The following KIF4A variants were observed in gnomAD, a reference collection of about 807,000 sequenced individuals.
The protein encoded by KIF4A is chromosome-associated kinesin KIF4A.
A neutral mutation model predicts 105.9 loss-of-function variants in KIF4A; 7 were observed. That is an observed-to-expected ratio of 0.07 (90% confidence interval 0.04 to 0.12). The LOEUF (loss-of-function observed/expected upper bound fraction) is 0.12, where lower values mean the gene tolerates loss of function less well. KIF4A is among the 10% of genes least tolerant of loss of function. The pLI is 1.00. For missense variants in KIF4A, 558 were observed against 929.2 expected (o/e 0.60, Z 5.19); for synonymous variants, 281 against 331.3 (o/e 0.85, Z 1.65).
At chrX:70,360,734 A>G (rs982713123) in intron 15 of KIF4A, among the ~76,000 whole-genome samples, 15 of 112,502 alleles carry the variant, frequency 1.3e-4, no homozygotes, top group Non-Finnish European at 1.9e-5. Flanking sequence ...GGATCTGGAG[A>G]GCAGCAGCCA....
At position 70,386,175 on chromosome X, in the gene KIF4A, CTT is replaced by C. The variant is rs766142863; in HGVS notation, c.2035-441_2035-440del. On this transcript the variant is annotated intron_variant, in intron 18 of 30. Transcript: ENST00000374403. Reference sequence around the variant, plus strand: ...TATAGGTGGTTGGCTATGTGATAGACTTTCTCTTTTTTGCCAGCCACCTGGGT... The same window carrying C: ...TATAGGTGGTTGGCTATGTGATAGACTCTCTTTTTTGCCAGCCACCTGGGT... Among the ~76,000 whole-genome samples the C allele has an allele frequency of 2.0e-4, 22 of 110,607 alleles. 1 individual carries two copies. In the South Asian group the frequency reaches 8.6e-3, roughly 43 times the overall value.
chrX:70,419,084 CAAA>C (rs1157047497), intron 29 of KIF4A, among the ~76,000 whole-genome samples: 2 of 57,021 alleles, frequency 3.5e-5, no homozygotes, highest in Non-Finnish European at 3.4e-5. Flanking sequence ...GACTCCATCT[CAAA>C]AAAAAAAAAA....
At position 70,349,688 on chromosome X, in the gene KIF4A, T is replaced by A. The variant is rs764875587; in HGVS notation, c.1432-2912T>A. Among the ~76,000 whole-genome samples the A allele has an allele frequency of 8.4e-3, 287 of 34,095 alleles. 3 individuals are homozygous for A. The highest frequency in any genetic ancestry group is 0.033 in the African/African-American group (247 of 7,446). The allele number at this position is 34,095 out of a possible 115,157, so 29.6% of individuals were successfully genotyped here. A position where few individuals can be genotyped will look rare whatever the true frequency, so the allele number is the denominator to read the frequency against. ...GGCAGAGGCACTCCTCACTTCCTAG[T>A]CGGGGTGGCGGCCGGGCAGAGACGC... On this transcript the variant is annotated intron_variant, in intron 13 of 30. Transcript: ENST00000374403.
At chrX:70,392,841 A>G (rs1388090514) in intron 20 of KIF4A, among the ~76,000 whole-genome samples, 1 of 104,454 alleles carries the variant, frequency 9.6e-6, no homozygotes, top group East Asian at 2.9e-4. Flanking sequence ...TGATCTTATA[A>G]TAATAATAAT....
intron 28 of KIF4A, among the ~76,000 whole-genome samples, chrX:70,408,838 G>A (rs1358208303): frequency 8.9e-6 from 1 of 112,251 alleles, no homozygotes; most frequent in Non-Finnish European, 1.9e-5. Flanking sequence ...GTCTCAGGGA[G>A]ATGGACCGGG....
At chrX:70,355,526 A>G (rs2086047413) in intron 15 of KIF4A, among the ~76,000 whole-genome samples, 1 of 111,890 alleles carries the variant, frequency 8.9e-6, no homozygotes, top group South Asian at 3.7e-4. Flanking sequence ...TCAAGTTCCC[A>G]GGTGATATTC....
rs181279806 is a variant in KIF4A, at chrX:70,312,786, A to G, written c.778+10388A>G. Among the ~76,000 whole-genome samples the G allele has an allele frequency of 6.4e-3, 714 of 111,771 alleles. 6 individuals carry two copies. The highest frequency in any genetic ancestry group is 0.022 in the African/African-American group (669 of 30,808). On this transcript the variant is annotated intron_variant, in intron 7 of 30. Coordinates refer to ENST00000374403, the MANE Select transcript of KIF4A (RefSeq NM_012310.5). The stretch of plus-strand genomic sequence containing the variant: ...AACTACCACTTCAATCTAATCTTAT[A>G]ATTTTGAGAAATAGTACTCTTATTG...
At chrX:70,290,859 A>G in intron 3 of KIF4A, 54 bp downstream of exon 3, 9 of 848,339 alleles carry the variant, frequency 1.1e-5, no homozygotes, top group Non-Finnish European at 1.7e-6. Flanking sequence ...AGCATATACT[A>G]TGTGCCAAGC....
At chrX:70,376,535 A>G in intron 18 of KIF4A, among the ~76,000 whole-genome samples, 1 of 112,088 alleles carries the variant, frequency 8.9e-6, no homozygotes, top group African/African-American at 3.2e-5. Flanking sequence ...AAAGTAACTA[A>G]GAGAAAAGAA....
At position 70,343,863 on chromosome X, in the gene KIF4A, GT is replaced by G; in HGVS notation, c.1326-11del. ...TATGAATAACCCTTGGGTTCTTTTT[GT>G]TTGAATTTTCAGCTGCAAACTGGAT... On this transcript the variant is annotated splice_polypyrimidine_tract_variant and intron_variant, in intron 12 of 30. Transcript: ENST00000374403. 1 of 1,204,358 alleles carries G rather than the reference GT, an allele frequency of 8.3e-7. No homozygotes were observed. Among genetic ancestry groups the G allele is most frequent in the Non-Finnish European group, 1.1e-6 (1 of 889,316 alleles).
chrX:70,342,953 C>G (rs1192184906), intron 11 of KIF4A, among the ~76,000 whole-genome samples: 1 of 112,398 alleles, frequency 8.9e-6, no homozygotes, highest in Admixed American at 9.4e-5. Context: ...GTCAGAACTT[C>G]ATAACAAGCA....
intron 15 of KIF4A, among the ~76,000 whole-genome samples, chrX:70,369,116 G>A (rs1037533326): frequency 1.9e-4 from 21 of 112,198 alleles, no homozygotes; most frequent in African/African-American, 5.2e-4. Context: ...TATTAGGGTC[G>A]GAGTGACCCG....
chrX:70,400,546 T>C (rs1373719786), intron 22 of KIF4A, among the ~76,000 whole-genome samples: 1 of 111,465 alleles, frequency 9.0e-6, no homozygotes, highest in Non-Finnish European at 1.9e-5. Flanking sequence ...TTTTCCCATC[T>C]GCATATTCAT....
intron 15 of KIF4A, among the ~76,000 whole-genome samples, chrX:70,372,912 C>T (rs1370310876): frequency 1.8e-5 from 2 of 112,430 alleles, no homozygotes; most frequent in Admixed American, 9.4e-5. Context: ...TCCCCAAGAG[C>T]TCCCCTAGAT....
chrX:70,406,451 C>A (rs922923406), intron 27 of KIF4A, 97 bp downstream of exon 27: 8 of 606,512 alleles, frequency 1.3e-5, no homozygotes, highest in Non-Finnish European at 2.1e-5. Flanking sequence ...TTAAAATTCC[C>A]AAATTCTAGC....
At chrX:70,302,536 T>C in intron 7 of KIF4A, 138 bp downstream of exon 7, 2 of 569,363 alleles carry the variant, frequency 3.5e-6, no homozygotes, top group Non-Finnish European at 5.4e-6. Flanking sequence ...AGTTCAGAAA[T>C]AGCGAAAAAT....
chrX:70,339,415 C>T (rs2085964058), intron 10 of KIF4A, among the ~76,000 whole-genome samples: 1 of 111,856 alleles, frequency 8.9e-6, no homozygotes, highest in Admixed American at 9.5e-5. Context: ...TCTCACTATA[C>T]TCATTTAGAA....
At chrX:70,304,846 T>C (rs1329422485) in intron 7 of KIF4A, among the ~76,000 whole-genome samples, 1 of 109,941 alleles carries the variant, frequency 9.1e-6, no homozygotes, top group Non-Finnish European at 1.9e-5. Context: ...TTAGTAGAGA[T>C]GGGGTTTCAT....
chrX:70,338,067 GA>G (rs1400528626), intron 10 of KIF4A, among the ~76,000 whole-genome samples: 1 of 111,356 alleles, frequency 9.0e-6, no homozygotes, highest in Non-Finnish European at 1.9e-5. Context: ...CTTTGTTTAT[GA>G]TTTTTTTGTC....
Sources: gnomAD v4.1 joint callset for allele counts (sites outside exome capture counted in the v4.1 genomes callset) on GRCh38, gnomAD v4.1.1 for gene constraint, MANE v1.5 for transcripts, NCBI Gene and HGNC (gene_info 2026-07-23, HGNC 2026-07-21) for gene names.